SPECC1L: variants seen among roughly 807,000 people sequenced by gnomAD.
The protein encoded by SPECC1L is sperm antigen with calponin homology and coiled-coil domains 1 like, also known as cytospin-A.
In SPECC1L, 40 loss-of-function variants were observed where a neutral mutation model predicts 116.8. The ratio of observed to expected loss-of-function variants is 0.34; its 90% confidence interval spans 0.27 to 0.45. The LOEUF (loss-of-function observed/expected upper bound fraction) is 0.45. Ranked by LOEUF, SPECC1L falls within the 20% of genes least tolerant of loss-of-function variation. The pLI is 1.00. For missense variants in SPECC1L, 1,110 were observed against 1,373.6 expected, an observed-to-expected ratio of 0.81 and a Z score of 3.03; for synonymous variants, 504 against 500.6, an observed-to-expected ratio of 1.01 and a Z score of -0.09.
intron 2 of SPECC1L, among the ~76,000 whole-genome samples, chr22:24,284,867 C>G (rs1244839319): frequency 6.6e-6 from 1 of 152,008 alleles, no homozygotes; most frequent in African/African-American, 2.4e-5. Flanking sequence ...TCAAGAAAGC[C>G]TGATAAAAGG....
chr22:24,394,523 T>C (rs1483234585), intron 14 of SPECC1L, among the ~76,000 whole-genome samples: 1 of 152,188 alleles, frequency 6.6e-6, no homozygotes, highest in East Asian at 1.9e-4. Flanking sequence ...GAATATTCAG[T>C]CCATTGCATA....
chr22:24,368,812 A>G (rs1048547942), intron 13 of SPECC1L, among the ~76,000 whole-genome samples: 3 of 152,086 alleles, frequency 2.0e-5, no homozygotes, highest in East Asian at 1.9e-4. Flanking sequence ...ATGCCCAGCT[A>G]ATTTTTATAT....
At chr22:24,410,726 T>C (rs1040113452) in intron 14 of SPECC1L, among the ~76,000 whole-genome samples, 4 of 152,334 alleles carry the variant, frequency 2.6e-5, no homozygotes, top group Admixed American at 1.3e-4. Flanking sequence ...GTTGTTGCTC[T>C]CCTTGGCTTC....
intron 2 of SPECC1L, among the ~76,000 whole-genome samples, chr22:24,286,340 T>C (rs1339295187): frequency 6.6e-6 from 1 of 152,250 alleles, no homozygotes; most frequent in Non-Finnish European, 1.5e-5. Context: ...ATAGTTATTT[T>C]ACATATTCTG....
intron 10 of SPECC1L, among the ~76,000 whole-genome samples, chr22:24,342,467 T>C: frequency 6.6e-6 from 1 of 151,888 alleles, no homozygotes; most frequent in Admixed American, 6.6e-5. Context: ...GGTCAGGAGT[T>C]CAAGACCAGC....
intron 11 of SPECC1L, among the ~76,000 whole-genome samples, chr22:24,349,148 C>G (rs898023376): frequency 2.6e-5 from 4 of 152,072 alleles, no homozygotes; most frequent in Non-Finnish European, 5.9e-5. Context: ...TTAAGTGATT[C>G]TCCTGCCTCA....
chr22:24,328,102 G>T (rs2040867014), intron 6 of SPECC1L, among the ~76,000 whole-genome samples: 1 of 152,160 alleles, frequency 6.6e-6, no homozygotes, highest in Admixed American at 6.5e-5. Flanking sequence ...CTTATGCATG[G>T]ATTTTAGAGT....
intron 2 of SPECC1L, among the ~76,000 whole-genome samples, chr22:24,297,209 A>G (rs567790835): frequency 0.039 from 5,833 of 150,632 alleles, 133 homozygotes; most frequent in African/African-American, 0.13. Context: ...CTGGGATTAC[A>G]AGCATGAGCC....
rs577723029 is a variant in SPECC1L at position 24,353,336 on chromosome 22, T to C, written c.2743+6160T>C. 3.0e-3 allele frequency among the ~76,000 whole-genome samples: 455 copies of C among 152,324 alleles called. 1 individual carries two copies. The highest frequency in any genetic ancestry group is 5.5e-3 in the Non-Finnish European group (371 of 68,034). ...CCTGTCTCACATGACCTCAACACTT[T>C]TGAAGAATACTTGTCAGTTATTTTG... On this transcript the variant is annotated intron_variant, in intron 11 of 16. Coordinates refer to ENST00000314328, the MANE Select transcript of SPECC1L (RefSeq NM_015330.6).
At chr22:24,311,108 C>A (rs972449795) in intron 3 of SPECC1L, among the ~76,000 whole-genome samples, 52 of 152,240 alleles carry the variant, frequency 3.4e-4, no homozygotes, top group African/African-American at 1.2e-3. Flanking sequence ...CTAGTTTATT[C>A]TTGTTCCAGT....
At chr22:24,393,023 C>T (rs2042301380) in intron 14 of SPECC1L, among the ~76,000 whole-genome samples, 1 of 152,186 alleles carries the variant, frequency 6.6e-6, no homozygotes, top group South Asian at 2.1e-4. Flanking sequence ...AGGCATAAGC[C>T]ACCCCACCTT....
chr22:24,330,185 C>T lies in SPECC1L; in HGVS notation c.2221-71C>T, dbSNP rs2040911492. On this transcript the variant is annotated intron_variant, in intron 7 of 16. Coordinates refer to ENST00000314328, the MANE Select transcript of SPECC1L (RefSeq NM_015330.6). ...TGCATTATAGCAATCCAATCATAAA[C>T]AAATTTTATTGCTTTTAAATAAATC... is the stretch of plus-strand genomic sequence containing the variant. The T allele has an allele frequency of 5.2e-6, 8 of 1,529,328 alleles. No individual in the cohort carries two copies. The South Asian group carries it at 8.0e-5, about 15-fold the overall frequency. The allele number at this position is 1,529,328 out of a possible 1,614,324, so 94.7% of individuals were successfully genotyped here. A position where few individuals can be genotyped will look rare whatever the true frequency, so the allele number is the denominator to read the frequency against.
Position 24,322,403 on chromosome 22 carries a change from A to T in SPECC1L, c.1423A>T (p.Ile475Phe), listed in dbSNP as rs140238402. 3.7e-6 allele frequency: 6 copies of T among 1,614,186 alleles called. No homozygotes were observed. The highest frequency in any genetic ancestry group is 5.1e-6 in the Non-Finnish European group (6 of 1,180,038). The change falls in exon 5 of 17, where the codon ATT becomes TTT. Residue 475 changes from isoleucine to phenylalanine, a missense_variant. Transcript: ENST00000314328. ...CCGCTCTCTTCTAGATGAGCATCAC[A>T]TTTCTTATGTCATAGATGAAGATGT... The part of the protein sequence containing the change: ...YFRSLLDEHH[I>F]SYVIDEDVKS...
intron 10 of SPECC1L, 100 bp downstream of exon 10, chr22:24,338,577 A>T (rs1286129010): frequency 1.8e-5 from 18 of 982,868 alleles, no homozygotes; most frequent in Non-Finnish European, 2.9e-5. Flanking sequence ...TGGGTAAATG[A>T]CTACCTCAGC....
chr22:24,387,004 A>G (rs2042173244), intron 14 of SPECC1L, among the ~76,000 whole-genome samples: 3 of 152,200 alleles, frequency 2.0e-5, no homozygotes, highest in Admixed American at 1.3e-4. Flanking sequence ...TAAAAAGCTG[A>G]TAACACCAAG....
At chr22:24,382,567 G>T (rs2146698257) in intron 14 of SPECC1L, among the ~76,000 whole-genome samples, 1 of 152,174 alleles carries the variant, frequency 6.6e-6, no homozygotes, top group South Asian at 2.1e-4. Context: ...GCTGGGTACA[G>T]TGACGGGCGA....
intron 2 of SPECC1L, among the ~76,000 whole-genome samples, chr22:24,297,876 T>G (rs2049298134): frequency 6.6e-6 from 1 of 152,260 alleles, no homozygotes; most frequent in South Asian, 2.1e-4. Context: ...GGTATCACAG[T>G]GCTTGTAACC....
intron 2 of SPECC1L, among the ~76,000 whole-genome samples, chr22:24,278,946 C>A (rs567879977): frequency 6.6e-6 from 1 of 152,066 alleles, no homozygotes; most frequent in African/African-American, 2.4e-5. Context: ...ACAGTTTGTA[C>A]GTTTATAAAT....
At chr22:24,409,017 T>C (rs890571428) in intron 14 of SPECC1L, among the ~76,000 whole-genome samples, 5 of 152,240 alleles carry the variant, frequency 3.3e-5, no homozygotes, top group Non-Finnish European at 5.9e-5. Flanking sequence ...TGGGTTCCCA[T>C]GGCCCCCACC....
Sources: allele counts gnomAD v4.1 joint callset (sites outside exome capture counted in the v4.1 genomes callset), GRCh38; gene constraint gnomAD v4.1.1; transcripts MANE v1.5; gene names NCBI Gene and HGNC (gene_info 2026-07-23, HGNC 2026-07-21).